The following MIPEP variants were observed in gnomAD, a reference collection of about 807,000 sequenced individuals.
The protein encoded by MIPEP is mitochondrial intermediate peptidase.
In MIPEP, 79 loss-of-function variants were observed where a neutral mutation model predicts 90.3. The ratio of observed to expected loss-of-function variants is 0.87; its 90% CI spans 0.73 to 1.05. The LOEUF (loss-of-function observed/expected upper bound fraction) is 1.05, where lower values mean the gene tolerates loss of function less well. MIPEP is among the 50% of genes least tolerant of loss of function. The pLI is 0.00. For missense variants in MIPEP, 940 were observed against 905.6 expected (o/e 1.04, Z -0.49); for synonymous variants, 334 against 315.8 (o/e 1.06, Z -0.61).
At chr13:23,865,921 T>C (rs1238214115) in intron 7 of MIPEP, among the ~76,000 whole-genome samples, 1 of 152,150 alleles carries the variant, frequency 6.6e-6, no homozygotes, top group Non-Finnish European at 1.5e-5. Flanking sequence ...TCTGCCTGCC[T>C]CAGCCTCCCA....
intron 4 of MIPEP, among the ~76,000 whole-genome samples, chr13:23,875,919 A>G (rs1871052685): frequency 6.6e-6 from 1 of 152,188 alleles, no homozygotes; most frequent in Non-Finnish European, 1.5e-5. Flanking sequence ...TATCACAAAC[A>G]TTGAACAGTT....
chr13:23,888,756 T>C, intron 1 of MIPEP: 1 of 1,033,226 alleles, frequency 9.7e-7, no homozygotes, highest in Non-Finnish European at 1.2e-6. Context: ...GATAGGCCTC[T>C]TAAGGCAGGA....
intron 8 of MIPEP, 68 bp from the exon 9 acceptor site, chr13:23,862,430 T>C: frequency 1.2e-6 from 1 of 851,234 alleles, no homozygotes; most frequent in Non-Finnish European, 1.9e-6. Flanking sequence ...AAGGACTAGT[T>C]TGCTTATGTT....
intron 4 of MIPEP, among the ~76,000 whole-genome samples, chr13:23,875,178 CAG>C (rs1309016993): frequency 6.6e-6 from 1 of 151,712 alleles, no homozygotes; most frequent in African/African-American, 2.4e-5. Context: ...TTCCTTTATT[CAG>C]AGAGTACAAA....
chr13:23,803,556 G>T (rs529337770), intron 16 of MIPEP, among the ~76,000 whole-genome samples: 1 of 151,996 alleles, frequency 6.6e-6, no homozygotes, highest in East Asian at 1.9e-4. Context: ...TTAAAAAATT[G>T]TTCCTTCTTC....
At chr13:23,778,145 T>G (rs950446002) in intron 16 of MIPEP, among the ~76,000 whole-genome samples, 1 of 152,142 alleles carries the variant, frequency 6.6e-6, no homozygotes, top group Non-Finnish European at 1.5e-5. Flanking sequence ...AGTGTCTGAG[T>G]TTTTCTAAAT....
intron 14 of MIPEP, among the ~76,000 whole-genome samples, chr13:23,830,109 C>T (rs1868666660): frequency 6.6e-6 from 1 of 152,044 alleles, no homozygotes; most frequent in Admixed American, 6.5e-5. Context: ...CATGGATATA[C>T]AGAAGAAAGT....
At position 23,841,489 on chromosome 13, in the gene MIPEP, C is replaced by T. The variant is rs749302105; in HGVS notation, c.1107-1G>A. On this transcript the variant is annotated splice_acceptor_variant, in intron 10 of 18. Transcript: ENST00000382172. LOFTEE classifies it high-confidence loss of function. Reference sequence around the variant, plus strand: ...ATATAGGCTGGGCTCAATATTATACCTAAGAGAAGGAAGAGAGGTTCAACA... The same window carrying T: ...ATATAGGCTGGGCTCAATATTATACTTAAGAGAAGGAAGAGAGGTTCAACA... 10 of 1,597,660 alleles carry T rather than the reference C, an allele frequency of 6.3e-6. No individual in the cohort carries two copies. The highest frequency in any genetic ancestry group is 4.1e-5 in the African/African-American group (3 of 74,072).
At position 23,834,497 on chromosome 13, in the gene MIPEP, T is replaced by C. The variant is rs377628238; in HGVS notation, c.1653+1743A>G. Among the ~76,000 whole-genome samples, 29 of 152,330 alleles carry C rather than the reference T, an allele frequency of 1.9e-4. 1 individual carries two copies. The East Asian group carries it at 5.4e-3, about 28-fold the overall frequency. ...GAATTAAAGACCGCGGGCAATGGGA[T>C]GTTGCCTGACTTATTCTTGGCTGTT... On this transcript the variant is annotated intron_variant, in intron 14 of 18. Transcript: ENST00000382172.
intron 14 of MIPEP, among the ~76,000 whole-genome samples, chr13:23,811,633 T>C (rs978645089): frequency 4.6e-5 from 7 of 152,184 alleles, no homozygotes; most frequent in Non-Finnish European, 7.3e-5. Context: ...CTATAAGACT[T>C]GTAACTTCCC....
chr13:23,738,344 TTAATG>T (rs1952287049), intron 18 of MIPEP, among the ~76,000 whole-genome samples: 1 of 152,060 alleles, frequency 6.6e-6, no homozygotes, highest in Non-Finnish European at 1.5e-5. Context: ...TCAGCTATTG[TTAATG>T]TAGTTTATGT....
At position 23,756,557 on chromosome 13, in the gene MIPEP, G is replaced by A. The variant is rs551773631; in HGVS notation, c.2032C>T (p.Leu678Phe). ...LAHGGGREPMLMVEGMLQKCP... is the reference protein window; with the variant it reads ...LAHGGGREPMFMVEGMLQKCP... ...GGTTTTGTTTTACCTTCAACCATGA[G>A]CATGGGCTCCCTGCCTCCACCGTGG... The change falls in exon 18 of 19, where the codon CTC (leucine) becomes TTC (phenylalanine). Residue 678 changes from leucine (L) to phenylalanine (F), a missense_variant. Leu to Phe is a conservative substitution (Grantham distance 22). Coordinates refer to ENST00000382172, the MANE Select transcript of MIPEP (RefSeq NM_005932.4). The A allele has an allele frequency of 1.9e-6, 3 of 1,614,028 alleles. No homozygotes were observed. The African/African-American group carries it at 4.0e-5, about 22-fold the overall frequency.
intron 4 of MIPEP, among the ~76,000 whole-genome samples, chr13:23,878,948 C>T (rs1030200198): frequency 2.0e-5 from 3 of 152,184 alleles, no homozygotes; most frequent in African/African-American, 7.2e-5. Flanking sequence ...GGGAACAAAA[C>T]AGACCAAGCC....
chr13:23,860,123 G>A (rs923873726), intron 9 of MIPEP, among the ~76,000 whole-genome samples: 4 of 152,218 alleles, frequency 2.6e-5, no homozygotes, highest in African/African-American at 7.2e-5. Flanking sequence ...AAGGGCAAGT[G>A]ACTCAACAAT....
chr13:23,833,931 G>A (rs1272702626), intron 14 of MIPEP, among the ~76,000 whole-genome samples: 1 of 152,100 alleles, frequency 6.6e-6, no homozygotes, highest in Non-Finnish European at 1.5e-5. Flanking sequence ...TGGCGGCAGT[G>A]ATGCTCCCCA....
At chr13:23,820,769 GC>G (rs1953297137) in intron 14 of MIPEP, among the ~76,000 whole-genome samples, 1 of 152,168 alleles carries the variant, frequency 6.6e-6, no homozygotes, top group African/African-American at 2.4e-5. Flanking sequence ...CAGTTCCAAT[GC>G]CCCATCAGAG....
At chr13:23,799,107 G>A (rs184700051) in intron 16 of MIPEP, among the ~76,000 whole-genome samples, 68 of 136,326 alleles carry the variant, frequency 5.0e-4, no homozygotes, top group African/African-American at 1.7e-3. Context: ...AGGTTCAAAC[G>A]ATTCTCCTGC....
chr13:23,841,258 C>A, intron 11 of MIPEP, 77 bp downstream of exon 11: 1 of 1,374,124 alleles, frequency 7.3e-7, no homozygotes, highest in South Asian at 1.5e-5. Flanking sequence ...TTGATGTAAA[C>A]CTGAAACTGC....
At chr13:23,780,389 G>C (rs1197952948) in intron 16 of MIPEP, among the ~76,000 whole-genome samples, 1 of 152,194 alleles carries the variant, frequency 6.6e-6, no homozygotes, top group Non-Finnish European at 1.5e-5. Context: ...CTGCAGCTGA[G>C]GGTCCTGACT....
Sources: allele counts gnomAD v4.1 joint callset (sites outside exome capture counted in the v4.1 genomes callset), GRCh38; gene constraint gnomAD v4.1.1; transcripts MANE v1.5; gene names NCBI Gene and HGNC (gene_info 2026-07-23, HGNC 2026-07-21).